Variants in ADCY1 observed in about 807,000 individuals in gnomAD.
The protein encoded by ADCY1 is adenylate cyclase type 1.
Under a neutral mutation model 105.4 loss-of-function variants are expected in ADCY1, and 28 were observed. That is an observed-to-expected ratio of 0.27 (90% CI 0.20 to 0.36). The LOEUF (loss-of-function observed/expected upper bound fraction) is 0.36, where lower values mean the gene tolerates loss of function less well. Ranked by LOEUF, ADCY1 falls within the 10% of genes least tolerant of loss-of-function variation. The probability of loss-of-function intolerance (pLI) is 1.00; values close to 1 mark genes in which losing one functional copy is unlikely to be tolerated. For missense variants in ADCY1, 977 were observed against 1,434.2 expected (o/e 0.68, Z 5.15); for synonymous variants, 655 against 623.8 (o/e 1.05, Z -0.75).
chr7:45,607,296 G>A (rs978475260), intron 2 of ADCY1, among the ~76,000 whole-genome samples: 4 of 152,128 alleles, frequency 2.6e-5, no homozygotes, highest in Admixed American at 6.5e-5. Flanking sequence ...GAAACCCTCA[G>A]CTGTCTCCAT....
At position 45,721,628 on chromosome 7, in the gene ADCY1, G is replaced by C. The variant is rs1220821565; in HGVS notation, c.*7633G>C. ...ACTTTTACTTTCATCTTCCTCTGCT[G>C]TAGAGCCATTTAATGTTATTGTCAT... On this transcript the variant is annotated 3_prime_UTR_variant, in exon 20 of 20. Coordinates refer to ENST00000297323, the MANE Select transcript of ADCY1 (RefSeq NM_021116.4). 1 of 398,510 alleles carries C rather than the reference G, an allele frequency of 2.5e-6. No homozygotes were observed. Among genetic ancestry groups the C allele is most frequent in the African/African-American group, 2.1e-5 (1 of 48,624 alleles). The allele number at this position is 398,510 out of a possible 1,614,324, so 24.7% of individuals were successfully genotyped here. A position where few individuals can be genotyped will look rare whatever the true frequency, so the allele number is the denominator to read the frequency against.
At chr7:45,664,238 T>G (rs1795206591) in intron 8 of ADCY1, 1 of 1,510,066 alleles carries the variant, frequency 6.6e-7, no homozygotes, top group African/African-American at 1.4e-5. Context: ...TAAAATTTGG[T>G]CAAGCAGAGA....
intron 19 of ADCY1, among the ~76,000 whole-genome samples, chr7:45,711,742 T>TAC (rs1174390302): frequency 7.0e-6 from 1 of 143,066 alleles, no homozygotes; most frequent in East Asian, 2.0e-4. Context: ...TGTGTATATA[T>TAC]ACGTGTGTGT....
At position 45,721,285 on chromosome 7, in the gene ADCY1, G is replaced by A. The variant is rs1446464180; in HGVS notation, c.*7290G>A. 1 of 159,852 alleles carries A rather than the reference G, an allele frequency of 6.3e-6. No homozygotes were observed. The highest frequency in any genetic ancestry group is 2.4e-5 in the African/African-American group (1 of 41,754). 9.9% of individuals were successfully genotyped at this position (159,852 alleles called of 1,614,324 possible). ...AATTAAAGCAATGCAATTCCTCTTGGGTAAGAGGAATTCCTCCTTCTTTAC... is the reference window on the plus strand; with the variant it reads ...AATTAAAGCAATGCAATTCCTCTTGAGTAAGAGGAATTCCTCCTTCTTTAC... On this transcript the variant is annotated 3_prime_UTR_variant, in exon 20 of 20. Transcript: ENST00000297323.
At chr7:45,680,742 A>G (rs1451601971) in intron 11 of ADCY1, 2 of 152,250 alleles carry the variant, frequency 1.3e-5, no homozygotes, top group African/African-American at 2.4e-5. Flanking sequence ...GCTGTTTTTC[A>G]TATAATTTCA....
rs1795219300 is a variant in ADCY1, at chr7:45,664,578, A to G, written c.1605+2364A>G. ...ATGAAAAGCATTTATCTGGAATCCTACCATCTCACAAAAAAGCTATCATGA... is the reference window on the plus strand; with the variant it reads ...ATGAAAAGCATTTATCTGGAATCCTGCCATCTCACAAAAAAGCTATCATGA... On this transcript the variant is annotated intron_variant, in intron 8 of 19. Transcript: ENST00000297323. 6.0e-6 allele frequency: 7 copies of G among 1,175,184 alleles called. No homozygotes were observed. The East Asian group carries it at 1.9e-4, about 32-fold the overall frequency. 72.8% of individuals were successfully genotyped at this position (1,175,184 alleles called of 1,614,324 possible).
intron 3 of ADCY1, among the ~76,000 whole-genome samples, chr7:45,615,900 C>G (rs897397102): frequency 6.6e-6 from 1 of 151,960 alleles, no homozygotes; most frequent in African/African-American, 2.4e-5. Context: ...AAAAAATCTA[C>G]AAAACCAAGA....
intron 3 of ADCY1, among the ~76,000 whole-genome samples, chr7:45,615,838 A>G (rs937816504): frequency 2.2e-4 from 34 of 152,268 alleles, no homozygotes; most frequent in East Asian, 7.7e-4. Context: ...AATGAAGGAA[A>G]TAACAGAGAT....
At chr7:45,674,461 G>A (rs2116172145) in intron 8 of ADCY1, among the ~76,000 whole-genome samples, 2 of 152,218 alleles carry the variant, frequency 1.3e-5, no homozygotes, top group African/African-American at 4.8e-5. Context: ...TGCAACCTCT[G>A]CCTCCTGGGT....
At chr7:45,687,095 C>A (rs1784694702) in intron 14 of ADCY1, among the ~76,000 whole-genome samples, 1 of 152,186 alleles carries the variant, frequency 6.6e-6, no homozygotes, top group Non-Finnish European at 1.5e-5. Context: ...ACCACCTACT[C>A]CAAATTGAGT....
chr7:45,590,629 A>G (rs1792886177), intron 1 of ADCY1, among the ~76,000 whole-genome samples: 1 of 152,138 alleles, frequency 6.6e-6, no homozygotes, highest in Non-Finnish European at 1.5e-5. Context: ...CCATGATGAC[A>G]GCTCTGTCAA....
chr7:45,621,624 C>T (rs140629223), intron 3 of ADCY1, among the ~76,000 whole-genome samples: 33 of 152,294 alleles, frequency 2.2e-4, no homozygotes, highest in African/African-American at 6.7e-4. Context: ...GGATAGTTCC[C>T]TTGGAGTCCA....
chr7:45,651,413 CAG>C (rs1249393792), intron 5 of ADCY1, among the ~76,000 whole-genome samples: 1 of 152,210 alleles, frequency 6.6e-6, no homozygotes, highest in Non-Finnish European at 1.5e-5. Flanking sequence ...TGTTTATCAA[CAG>C]GGGGAGCTTG....
intron 14 of ADCY1, among the ~76,000 whole-genome samples, chr7:45,695,289 G>A (rs1335472364): frequency 6.6e-6 from 1 of 152,190 alleles, no homozygotes; most frequent in Non-Finnish European, 1.5e-5. Context: ...ATCTTTTCCA[G>A]AAGTGGAACT....
intron 4 of ADCY1, among the ~76,000 whole-genome samples, chr7:45,634,570 TTGTTCCTTGGACAAGCCCTACTTGGAC>T (rs2115989614): frequency 6.6e-6 from 1 of 152,288 alleles, no homozygotes; most frequent in Non-Finnish European, 1.5e-5. Flanking sequence ...AAACATCCTT[TTGTTCCTTGGACAAGCCCTACTTGGAC>T]ATAAAGATGG....
intron 6 of ADCY1, among the ~76,000 whole-genome samples, chr7:45,658,819 A>G (rs1348276038): frequency 6.6e-6 from 1 of 152,176 alleles, no homozygotes; most frequent in African/African-American, 2.4e-5. Context: ...CAGTGTCCCC[A>G]GGTGCTTCCA....
Position 45,714,062 on chromosome 7 carries a change from G to A in ADCY1, c.*67G>A. 1.5e-6 allele frequency: 1 copy of A among 683,834 alleles called. No individual in the cohort carries two copies. The highest frequency in any genetic ancestry group is 2.7e-6 in the Non-Finnish European group (1 of 371,862). The allele number at this position is 683,834 out of a possible 1,614,324, so 42.4% of individuals were successfully genotyped here. On this transcript the variant is annotated 3_prime_UTR_variant, in exon 20 of 20. Coordinates refer to ENST00000297323, the MANE Select transcript of ADCY1 (RefSeq NM_021116.4). ...TGCTCCGGGGGTGACACAGGCCACG[G>A]TGGCTCCAGCCAGGACCAGCCAGAC...
chr7:45,651,529 G>A (rs12702162), intron 5 of ADCY1, among the ~76,000 whole-genome samples: 9,772 of 152,256 alleles, frequency 0.064, 408 homozygotes, highest in African/African-American at 0.11. Flanking sequence ...CAGGTGAACA[G>A]GTGAAGTGGC....
intron 8 of ADCY1, among the ~76,000 whole-genome samples, chr7:45,670,602 G>A (rs1784347643): frequency 6.6e-6 from 1 of 152,112 alleles, no homozygotes; most frequent in East Asian, 1.9e-4. Flanking sequence ...CGTGACCTGA[G>A]AGTGGACCTG....
Sources: gnomAD v4.1 joint callset for allele counts (sites outside exome capture counted in the v4.1 genomes callset) on GRCh38, gnomAD v4.1.1 for gene constraint, MANE v1.5 for transcripts, NCBI Gene and HGNC (gene_info 2026-07-23, HGNC 2026-07-21) for gene names.